The following SYMPK variants were observed in gnomAD, a reference collection of about 807,000 sequenced individuals.
SYMPK encodes symplekin.
Under a neutral mutation model 136.4 loss-of-function variants are expected in SYMPK, and 49 were observed. That is an observed-to-expected ratio of 0.36 (90% CI 0.29 to 0.46). SYMPK has a LOEUF of 0.46. Among genes scored for constraint, SYMPK ranks in the 20% least tolerant of loss-of-function variants. The probability of loss-of-function intolerance (pLI) is 1.00; values close to 1 mark genes in which losing one functional copy is unlikely to be tolerated. For synonymous variants in SYMPK, 766 were observed against 713.0 expected, an observed-to-expected ratio of 1.07 and a Z score of -1.19; for missense variants, 1,365 against 1,690.0, an observed-to-expected ratio of 0.81 and a Z score of 3.37.
intron 10 of SYMPK, among the ~76,000 whole-genome samples, chr19:45,836,450 G>A (rs777502678): frequency 3.2e-4 from 49 of 151,578 alleles, no homozygotes; most frequent in Admixed American, 7.9e-4. Flanking sequence ...CTAACACAGC[G>A]AAACCTCATC....
In SYMPK at chr19:45,827,831, C is replaced by T; in HGVS notation, c.2067+6G>A. On this transcript the variant is annotated splice_donor_region_variant and intron_variant, in intron 15 of 26. Transcript: ENST00000245934. ...CCGGGCTGCACTGACCAGGGCCTGT[C>T]CTCACCTCATCCTCGCAGTACTTGC... 1.2e-6 allele frequency: 2 copies of T among 1,613,910 alleles called. No individual in the cohort carries two copies. Among genetic ancestry groups the T allele is most frequent in the Admixed American group, 1.7e-5 (1 of 60,026 alleles).
intron 10 of SYMPK, 126 bp downstream of exon 10, chr19:45,838,335 C>T: frequency 8.4e-7 from 1 of 1,191,278 alleles, no homozygotes; most frequent in Admixed American, 2.7e-5. Context: ...GCCAATTAAA[C>T]CCCTTTTCTT....
At chr19:45,860,816 T>C (rs905555681) in intron 1 of SYMPK, among the ~76,000 whole-genome samples, 9 of 152,176 alleles carry the variant, frequency 5.9e-5, no homozygotes, top group Admixed American at 5.9e-4. Flanking sequence ...TTGTACTTTC[T>C]GTAGAGAAGG....
At chr19:45,823,726 GA>G in intron 19 of SYMPK, 40 bp downstream of exon 19, 5 of 1,561,534 alleles carry the variant, frequency 3.2e-6, no homozygotes, top group Non-Finnish European at 4.4e-6. Context: ...AGGCTAAGGA[GA>G]GGGAGGAAAG....
intron 10 of SYMPK, among the ~76,000 whole-genome samples, chr19:45,838,082 T>C (rs1971346959): frequency 6.6e-6 from 1 of 152,016 alleles, no homozygotes; most frequent in South Asian, 2.1e-4. Context: ...GTTTGGATCA[T>C]GGGGGCAGAT....
chr19:45,849,286 C>T (rs1254559159), intron 5 of SYMPK, among the ~76,000 whole-genome samples: 4 of 152,176 alleles, frequency 2.6e-5, no homozygotes, highest in Non-Finnish European at 5.9e-5. Context: ...CACCAAAAAG[C>T]ATTCGGTAAA....
chr19:45,829,293 G>A (rs1057159923), intron 13 of SYMPK, 88 bp from the exon 14 acceptor site: 5 of 1,155,636 alleles, frequency 4.3e-6, no homozygotes, highest in African/African-American at 1.5e-5. Flanking sequence ...CCACCCAGAC[G>A]CAGGAACTCT....
intron 11 of SYMPK, 41 bp from the exon 12 acceptor site, chr19:45,831,629 C>T: frequency 6.0e-6 from 9 of 1,507,076 alleles, no homozygotes; most frequent in African/African-American, 1.4e-5. Context: ...TGCGTCAGAC[C>T]CACCTGCTCC....
chr19:45,841,086 C>A (rs541543443), intron 9 of SYMPK, among the ~76,000 whole-genome samples: 2 of 151,576 alleles, frequency 1.3e-5, no homozygotes, highest in African/African-American at 2.4e-5. Flanking sequence ...CCAGTTCAAG[C>A]AATTCTTCTG....
At chr19:45,823,050 T>C (rs1970944488) in intron 20 of SYMPK, among the ~76,000 whole-genome samples, 1 of 152,148 alleles carries the variant, frequency 6.6e-6, no homozygotes, top group Non-Finnish European at 1.5e-5. Context: ...CACATGTGTG[T>C]GCCCCCAAGA....
In SYMPK at chr19:45,818,009, GGGGGTACATGGTCA is replaced by G; in HGVS notation, c.3017_3030del (p.Leu1006ProfsTer56). 14 of 1,580,720 alleles carry G rather than the reference GGGGGTACATGGTCA, an allele frequency of 8.9e-6. No individual in the cohort carries two copies. Among genetic ancestry groups the G allele is most frequent in the Non-Finnish European group, 1.2e-5 (14 of 1,162,996 alleles). Reference sequence around the variant, plus strand: ...ATGTTCATGACGAAGCCCCCCAGGCGGGGGTACATGGTCAGGGACTGGATGACGGTCCTCATGAG... The same window carrying G: ...ATGTTCATGACGAAGCCCCCCAGGCGGGGACTGGATGACGGTCCTCATGAG... On this transcript the variant is annotated frameshift_variant, in exon 23 of 27. Transcript: ENST00000245934. LOFTEE classifies it high-confidence loss of function.
chr19:45,815,423 T>C lies in SYMPK; in HGVS notation c.*137A>G, dbSNP rs1410076604. 53 of 578,076 alleles carry C rather than the reference T, an allele frequency of 9.2e-5. No individual in the cohort carries two copies. The highest frequency in any genetic ancestry group is 1.2e-4 in the Non-Finnish European group (48 of 398,108). The allele number at this position is 578,076 out of a possible 1,614,324, so 35.8% of individuals were successfully genotyped here. A position where few individuals can be genotyped will look rare whatever the true frequency, so the allele number is the denominator to read the frequency against. On this transcript the variant is annotated 3_prime_UTR_variant, in exon 27 of 27. Coordinates refer to ENST00000245934, the MANE Select transcript of SYMPK (RefSeq NM_004819.3). ...ACCCGCGCCCCAGGCCCGCCATCCCTTTTTTTTTTTCTTTTCAGTAACTTG... is the reference window on the plus strand; with the variant it reads ...ACCCGCGCCCCAGGCCCGCCATCCCCTTTTTTTTTTCTTTTCAGTAACTTG...
Position 45,844,199 on chromosome 19 carries a change from G to A in SYMPK, c.678C>T (p.Asn226=), listed in dbSNP as rs772601080. Residue 226 remains asparagine, a splice_region_variant and synonymous_variant, in exon 8 of 27, where the codon AAC becomes AAT. Transcript: ENST00000245934. ...CTGCCTTGCCCTCTTCCCATAGCAC[G>A]TCTAAGAGACAGAGAGGAGAACCAG... The part of the protein sequence containing the change: ...IPRDHPYIQY[N]VLWEEGKAAL... 26 of 1,584,576 alleles carry A rather than the reference G, an allele frequency of 1.6e-5. No individual in the cohort carries two copies. The highest frequency in any genetic ancestry group is 2.7e-5 in the African/African-American group (2 of 73,668).
At chr19:45,860,178 G>A (rs550481379) in intron 1 of SYMPK, among the ~76,000 whole-genome samples, 2 of 151,676 alleles carry the variant, frequency 1.3e-5, no homozygotes, top group African/African-American at 4.8e-5. Context: ...GAACACGGCC[G>A]GGCACGGTGG....
At chr19:45,840,675 A>C (rs76953742) in intron 9 of SYMPK, among the ~76,000 whole-genome samples, 5 of 151,916 alleles carry the variant, frequency 3.3e-5, no homozygotes, top group African/African-American at 7.2e-5. Context: ...AAAAAAAAAA[A>C]AACAAACAAA....
At chr19:45,834,784 G>A (rs910261853) in intron 11 of SYMPK, among the ~76,000 whole-genome samples, 2 of 152,208 alleles carry the variant, frequency 1.3e-5, no homozygotes, top group African/African-American at 2.4e-5. Flanking sequence ...TAATAGTACT[G>A]TTAAAACAGG....
chr19:45,828,928 A>C, intron 14 of SYMPK, 42 bp downstream of exon 14: 1 of 1,583,164 alleles, frequency 6.3e-7, no homozygotes, highest in Non-Finnish European at 8.7e-7. Flanking sequence ...CCAGGAGAGG[A>C]AGCCTCTCGG....
chr19:45,857,345 A>G (rs1257835230), intron 1 of SYMPK, among the ~76,000 whole-genome samples: 1 of 138,362 alleles, frequency 7.2e-6, no homozygotes, highest in African/African-American at 2.7e-5. Flanking sequence ...GGGAAGCGGA[A>G]CTTGCAGTGA....
At chr19:45,854,057 T>C in intron 3 of SYMPK, 118 bp downstream of exon 3, 2 of 973,200 alleles carry the variant, frequency 2.1e-6, no homozygotes, top group African/African-American at 1.6e-5. Flanking sequence ...CTGAGCACTG[T>C]GGCCGGCACA....
Sources: gnomAD v4.1 joint callset for allele counts (sites outside exome capture counted in the v4.1 genomes callset) on GRCh38, gnomAD v4.1.1 for gene constraint, MANE v1.5 for transcripts, NCBI Gene and HGNC (gene_info 2026-07-23, HGNC 2026-07-21) for gene names.